Variants in FUT8 observed in about 807,000 individuals in gnomAD.
FUT8 encodes the protein fucosyltransferase 8.
FUT8 carries 29 observed loss-of-function variants against 71.3 expected under a neutral mutation model. The ratio of observed to expected loss-of-function variants is 0.41; its 90% confidence interval spans 0.30 to 0.55. The LOEUF is 0.55. Among genes scored for constraint, FUT8 ranks in the 20% least tolerant of loss-of-function variants. FUT8 has a pLI of 0.34. For missense variants in FUT8, 544 were observed against 702.1 expected, an observed-to-expected ratio of 0.77 and a Z score of 2.55; for synonymous variants, 254 against 239.3, an observed-to-expected ratio of 1.06 and a Z score of -0.57.
intron 1 of FUT8, among the ~76,000 whole-genome samples, chr14:65,420,252 A>G (rs2065273478): frequency 7.6e-6 from 1 of 131,296 alleles, no homozygotes; most frequent in African/African-American, 3.0e-5. Context: ...ACTAGATAAC[A>G]AAGAAAAGAA....
chr14:65,687,153 G>A (rs1422600284), intron 7 of FUT8, among the ~76,000 whole-genome samples: 1 of 151,144 alleles, frequency 6.6e-6, no homozygotes, highest in Non-Finnish European at 1.5e-5. Flanking sequence ...CAGTTACTAG[G>A]TAAATCATTC....
In FUT8 at chr14:65,526,008, C is replaced by T. The variant is rs532950184; in HGVS notation, c.-227-35329C>T. Among the ~76,000 whole-genome samples the T allele has an allele frequency of 8.7e-4, 133 of 152,064 alleles. 1 individual carries two copies. Among genetic ancestry groups the T allele is most frequent in the African/African-American group, 2.6e-3 (107 of 41,476 alleles). On this transcript the variant is annotated intron_variant, in intron 2 of 10. Transcript: ENST00000673929. ...TATGTGGTCAATTTTGGAATAAGTG[C>T]GATGTGGTGTTGAGAAGAATGTATA...
At chr14:65,447,888 T>C (rs575761861) in intron 1 of FUT8, among the ~76,000 whole-genome samples, 2 of 152,318 alleles carry the variant, frequency 1.3e-5, no homozygotes, top group Non-Finnish European at 2.9e-5. Context: ...CGTTTCTGTT[T>C]CGGGATTAGT....
In FUT8 at chr14:65,489,329, T is replaced by C. The variant is rs142823152; in HGVS notation, c.-228+33611T>C. On this transcript the variant is annotated intron_variant, in intron 2 of 10. Transcript: ENST00000673929. The surrounding 1 kb of genome is among the most constrained non-coding windows in gnomAD (Gnocchi z 4.0). ...GCAAGTGTTCAGTATCCTAGCTTTC[T>C]CTAATTTTCTGGGACGTATCTCTTT... Among the ~76,000 whole-genome samples, 437 of 152,294 alleles carry C rather than the reference T, an allele frequency of 2.9e-3. 2 individuals are homozygous for C. The highest frequency in any genetic ancestry group is 5.2e-3 in the Non-Finnish European group (357 of 68,006).
intron 2 of FUT8, among the ~76,000 whole-genome samples, chr14:65,473,419 C>T (rs1206945872): frequency 6.6e-6 from 1 of 152,056 alleles, no homozygotes. Context: ...TTTATTGGAT[C>T]TTGAAAAACG....
chr14:65,457,424 T>C (rs2065908640), intron 2 of FUT8, among the ~76,000 whole-genome samples: 1 of 152,180 alleles, frequency 6.6e-6, no homozygotes, highest in Non-Finnish European at 1.5e-5. Context: ...TTGGAACTTG[T>C]GGTGTTCCCT....
At chr14:65,675,966 CAGCCTG>C (rs1330410335) in intron 7 of FUT8, among the ~76,000 whole-genome samples, 1 of 152,120 alleles carries the variant, frequency 6.6e-6, no homozygotes, top group African/African-American at 2.4e-5. Context: ...CACTGCACTC[CAGCCTG>C]AGCGAGAGAG....
the FUT8 span, among the ~76,000 whole-genome samples, chr14:65,364,858 G>A: frequency 3.9e-3 from 595 of 152,082 alleles, 4 homozygotes; most frequent in African/African-American, 0.01. Flanking sequence ...TTCATTTTCC[G>A]CAGTGTCACA....
chr14:65,594,816 C>T (rs1189702248), intron 3 of FUT8, among the ~76,000 whole-genome samples: 1 of 152,104 alleles, frequency 6.6e-6, no homozygotes, highest in Admixed American at 6.5e-5. Context: ...GTTAAGTCCT[C>T]TCTCTTTGAT....
chr14:65,374,875 C>T, the FUT8 span, among the ~76,000 whole-genome samples: 2 of 151,998 alleles, frequency 1.3e-5, no homozygotes, highest in Admixed American at 6.6e-5. Context: ...GCTGGGATTA[C>T]AGGTGTGAGC....
chr14:65,708,760 G>A (rs529320374), intron 7 of FUT8, among the ~76,000 whole-genome samples: 116 of 152,246 alleles, frequency 7.6e-4, no homozygotes, highest in African/African-American at 2.6e-3. Context: ...GACAAACACT[G>A]TATAATCTCA....
At chr14:65,716,922 TG>T in intron 7 of FUT8, among the ~76,000 whole-genome samples, 1 of 70,030 alleles carries the variant, frequency 1.4e-5, no homozygotes, top group East Asian at 4.9e-4. Context: ...ACTTCCCAGA[TG>T]GGGCGGCCGG....
intron 7 of FUT8, among the ~76,000 whole-genome samples, chr14:65,716,542 T>C (rs534069424): frequency 8.5e-5 from 13 of 152,220 alleles, no homozygotes; most frequent in African/African-American, 3.1e-4. Flanking sequence ...GAGCACACGG[T>C]TGGGGGTAAG....
chr14:65,731,714 C>T (rs940167208), intron 9 of FUT8, among the ~76,000 whole-genome samples: 6 of 151,982 alleles, frequency 3.9e-5, no homozygotes, highest in Admixed American at 1.3e-4. Flanking sequence ...AGGCTGGTCT[C>T]GAACTCTTGA....
In FUT8 at chr14:65,561,347, G is replaced by A. The variant is rs45549535; in HGVS notation, c.-217G>A. On this transcript the variant is annotated 5_prime_UTR_variant, in exon 3 of 11. Transcript: ENST00000673929. ...TTACTCTTTCCACAGCATGTAGAGCGCATGAAGTACAGGACAATAAAGCTT... is the reference window on the plus strand; with the variant it reads ...TTACTCTTTCCACAGCATGTAGAGCACATGAAGTACAGGACAATAAAGCTT... The A allele has an allele frequency of 0.026, 13,943 of 538,170 alleles. 374 individuals carry two copies. The highest frequency in any genetic ancestry group is 0.11 in the East Asian group (3,619 of 33,814). 33.3% of individuals were successfully genotyped at this position (538,170 alleles called of 1,614,324 possible).
chr14:65,631,975 T>C lies in FUT8; in HGVS notation c.597+2369T>C, dbSNP rs147730307. ...ATTTGGTTTTCTATTCCTGAGTTAC[T>C]TCACTCAGAATAATAGTCTCCAATC... On this transcript the variant is annotated intron_variant, in intron 6 of 10. Coordinates refer to ENST00000673929, the MANE Select transcript of FUT8 (RefSeq NM_001371533.1). Among the ~76,000 whole-genome samples the C allele has an allele frequency of 3.8e-3, 582 of 152,300 alleles. 1 individual carries two copies. The highest frequency in any genetic ancestry group is 0.013 in the African/African-American group (545 of 41,580).
chr14:65,454,484 A>AT (rs2065870551), intron 1 of FUT8, among the ~76,000 whole-genome samples: 1 of 152,144 alleles, frequency 6.6e-6, no homozygotes, highest in Non-Finnish European at 1.5e-5. Flanking sequence ...AACAAAATAA[A>AT]TTTTAAAATC....
chr14:65,705,178 A>C (rs938160850), intron 7 of FUT8, among the ~76,000 whole-genome samples: 1 of 78,404 alleles, frequency 1.3e-5, no homozygotes, highest in African/African-American at 2.9e-5. Flanking sequence ...TTCATATGAC[A>C]TAGAATTCAT....
At chr14:65,646,534 T>C (rs1369357354) in intron 6 of FUT8, 1 of 152,240 alleles carries the variant, frequency 6.6e-6, no homozygotes, top group Non-Finnish European at 1.5e-5. Context: ...TGCAGCACTT[T>C]CTCAGATTGA....
Sources: gnomAD v4.1 joint callset for allele counts (sites outside exome capture counted in the v4.1 genomes callset) on GRCh38, gnomAD v4.1.1 for gene constraint, Gnocchi (gnomAD v3.1) non-coding constraint, MANE v1.5 for transcripts, NCBI Gene and HGNC (gene_info 2026-07-23, HGNC 2026-07-21) for gene names.